Variants in GNAS observed in about 807,000 individuals in gnomAD.
GNAS encodes GNAS complex locus.
In GNAS, 8 loss-of-function variants were observed where a neutral mutation model predicts 54.5. The ratio of observed to expected loss-of-function variants is 0.15; its 90% confidence interval spans 0.09 to 0.26. The LOEUF (loss-of-function observed/expected upper bound fraction) is 0.26. GNAS is among the 10% of genes least tolerant of loss of function. The pLI is 1.00. For synonymous variants in GNAS, 204 were observed against 191.4 expected (o/e 1.07, Z -0.54); for missense variants, 170 against 529.8 (o/e 0.32, Z 6.67).
At chr20:58,881,197 C>T (rs2088199358) in intron 1 of GNAS, among the ~76,000 whole-genome samples, 1 of 152,176 alleles carries the variant, frequency 6.6e-6, no homozygotes, top group Non-Finnish European at 1.5e-5. Flanking sequence ...CTCCCAGAGG[C>T]GTGGGTTAAA....
intron 1 of GNAS, among the ~76,000 whole-genome samples, chr20:58,871,131 G>A (rs6026568): frequency 0.026 from 3,885 of 152,222 alleles, 162 homozygotes; most frequent in African/African-American, 0.089. Context: ...TTCGCTAGCG[G>A]GGAAGAGCAG....
At chr20:58,848,656 T>C (rs1225122059) in intron 1 of GNAS, among the ~76,000 whole-genome samples, 1 of 152,112 alleles carries the variant, frequency 6.6e-6, no homozygotes, top group Non-Finnish European at 1.5e-5. Flanking sequence ...CTAGCAAAAT[T>C]ATCAGCCTTC....
upstream of GNAS, chr20:58,888,918 G>A: frequency 5.2e-6 from 1 of 191,768 alleles, no homozygotes; most frequent in Non-Finnish European, 9.5e-6. Context: ...GGTCTGGGAG[G>A]CGGGGTTGAG....
rs538524167 is a variant in GNAS at position 58,909,138 on chromosome 20, C to G, written c.531-24C>G. 3.9e-5 allele frequency: 63 copies of G among 1,607,644 alleles called. No individual in the cohort carries two copies. Among genetic ancestry groups the G allele is most frequent in the Non-Finnish European group, 5.2e-5 (61 of 1,174,258 alleles). Reference sequence around the variant, plus strand: ...ATTGATGTGAGCGCTGTGAACACCCCACGTGTCTTTCTTTTTCTCCCAGCT... The same window carrying G: ...ATTGATGTGAGCGCTGTGAACACCCGACGTGTCTTTCTTTTTCTCCCAGCT... On this transcript the variant is annotated intron_variant, in intron 6 of 12. Coordinates refer to ENST00000371085, the MANE Select transcript of GNAS (RefSeq NM_000516.7). This position sits in a 1 kb window ranked among gnomAD's most constrained non-coding sequence, Gnocchi z 7.3.
intron 1 of GNAS, among the ~76,000 whole-genome samples, chr20:58,893,805 C>CTT (rs1330941183): frequency 6.6e-6 from 1 of 152,236 alleles, no homozygotes; most frequent in South Asian, 2.1e-4. Flanking sequence ...CTCAGTACTA[C>CTT]TTTAAGTCAA....
At chr20:58,903,815 G>A in intron 5 of GNAS, 24 bp downstream of exon 5, 5 of 1,613,730 alleles carry the variant, frequency 3.1e-6, no homozygotes, top group Non-Finnish European at 4.2e-6. Context: ...CGACTTGTGT[G>A]GCCTTAGCCC....
chr20:58,843,227 C>T (rs1415345617), intron 1 of GNAS: 3 of 139,424 alleles, frequency 2.2e-5, no homozygotes, highest in Admixed American at 7.4e-5. Context: ...CCGCTCAATT[C>T]CCCTCCCCCA....
upstream of GNAS, chr20:58,839,757 T>C (rs1403876593): frequency 3.6e-6 from 2 of 560,384 alleles, no homozygotes; most frequent in East Asian, 5.9e-5. Flanking sequence ...CAGTCTCCTC[T>C]GTCCTCTCCC....
At chr20:58,901,499 C>T (rs751458295) in intron 3 of GNAS, among the ~76,000 whole-genome samples, 7 of 152,104 alleles carry the variant, frequency 4.6e-5, no homozygotes, top group Non-Finnish European at 1.0e-4. Flanking sequence ...TGAGATTCTC[C>T]GGACCTGCAG....
chr20:58,875,280 C>T (rs1385757005), intron 1 of GNAS, among the ~76,000 whole-genome samples: 1 of 152,120 alleles, frequency 6.6e-6, no homozygotes, highest in Admixed American at 6.5e-5. Context: ...TGATTTGGCC[C>T]CAGGCCTCCT....
chr20:58,906,395 C>T (rs1447582906), intron 6 of GNAS, among the ~76,000 whole-genome samples: 2 of 152,230 alleles, frequency 1.3e-5, no homozygotes, highest in African/African-American at 2.4e-5. Flanking sequence ...CTGTCCCTGT[C>T]ACCCACCATG....
At chr20:58,889,413 G>C (rs1372507689), upstream of GNAS, 5 of 978,632 alleles carry the variant, frequency 5.1e-6, no homozygotes, top group Non-Finnish European at 6.1e-6. Flanking sequence ...GCAGGCAAGA[G>C]CCGCCGGGTC....
chr20:58,854,186 C>T (rs2086316150), intron 1 of GNAS: 1 of 1,613,046 alleles, frequency 6.2e-7, no homozygotes, highest in Non-Finnish European at 8.5e-7. Context: ...TCTCCGGACC[C>T]CCGTTCGAGA....
upstream of GNAS, chr20:58,840,299 C>T: frequency 6.2e-7 from 1 of 1,612,714 alleles, no homozygotes; most frequent in Non-Finnish European, 8.5e-7. The surrounding 1 kb of genome is among the most constrained non-coding windows in gnomAD (Gnocchi z 6.0). Context: ...CCGGAGCTTC[C>T]TTAACGCCCA....
In GNAS at chr20:58,911,154, T is replaced by A. The variant is rs1569034780; in HGVS notation, c.*325T>A. ...AAATAAATATTGTGTTGTGCAGCAT[T>A]AAAAAAAATCAAAATAAAAATTAAA... is the stretch of plus-strand genomic sequence containing the variant. On this transcript the variant is annotated 3_prime_UTR_variant, in exon 13 of 13. Coordinates refer to ENST00000371085, the MANE Select transcript of GNAS (RefSeq NM_000516.7). The A allele has an allele frequency of 2.0e-6, 1 of 500,446 alleles. No individual in the cohort carries two copies. The highest frequency in any genetic ancestry group is 3.7e-6 in the Non-Finnish European group (1 of 269,370). The allele number at this position is 500,446 out of a possible 1,614,324, so 31.0% of individuals were successfully genotyped here.
intron 1 of GNAS, chr20:58,855,610 C>T: frequency 1.4e-6 from 1 of 717,268 alleles, no homozygotes; most frequent in East Asian, 2.7e-5. Context: ...CAGGCCAGCG[C>T]CAGCAACCGT....
At position 58,865,097 on chromosome 20, in the gene GNAS, C is replaced by T. The variant is rs552187589; in HGVS notation, c.43+24211C>T. ...ATTCTGGGGACAGTTCAAGATCATA[C>T]ATACTGTAACTTGCGTATCTTAAAA... On this transcript the variant is annotated intron_variant, in intron 1 of 12. Coordinates refer to the GNAS transcript ENST00000306090. Among the ~76,000 whole-genome samples the T allele has an allele frequency of 3.9e-5, 6 of 152,220 alleles. No homozygotes were observed. The East Asian group carries it at 1.2e-3, about 29-fold the overall frequency.
chr20:58,892,378 G>A (rs1170370618), intron 1 of GNAS: 1 of 163,086 alleles, frequency 6.1e-6, no homozygotes, highest in African/African-American at 2.4e-5. Flanking sequence ...GGCGAGGAGA[G>A]GAGGGGGTGA....
intron 1 of GNAS, among the ~76,000 whole-genome samples, chr20:58,874,805 C>G (rs2087702906): frequency 6.6e-6 from 1 of 152,192 alleles, no homozygotes; most frequent in South Asian, 2.1e-4. Context: ...CTTTGGGTCT[C>G]TTTTGTTTTG....
Sources: gnomAD v4.1 joint callset for allele counts (sites outside exome capture counted in the v4.1 genomes callset) on GRCh38, gnomAD v4.1.1 for gene constraint, Gnocchi (gnomAD v3.1) non-coding constraint, MANE v1.5 for transcripts, NCBI Gene and HGNC (gene_info 2026-07-23, HGNC 2026-07-21) for gene names.